MAP3K20: variants seen among roughly 807,000 people sequenced by gnomAD.
MAP3K20 encodes the protein mitogen-activated protein kinase kinase kinase 20.
Under a neutral mutation model 85.7 loss-of-function variants are expected in MAP3K20, and 40 were observed. The ratio of observed to expected loss-of-function variants is 0.47; its 90% CI spans 0.36 to 0.61. MAP3K20 has a LOEUF of 0.61. MAP3K20 is among the 20% of genes least tolerant of loss of function. MAP3K20 has a pLI of 0.00. For synonymous variants in MAP3K20, 325 were observed against 327.7 expected (o/e 0.99, Z 0.09); for missense variants, 817 against 961.7 (o/e 0.85, Z 1.99).
rs386391866 is a variant in MAP3K20 at position 173,128,921 on chromosome 2, C to CTTTTTTT, written c.159+37744_159+37750dup. ...TTCAGATCAATTTTAGAAATCTTTT[C>CTTTTTTT]TTTTTTTTTTTTTTTTTTTGAGGCA... On this transcript the variant is annotated intron_variant, in intron 2 of 19. Coordinates refer to ENST00000375213, the MANE Select transcript of MAP3K20 (RefSeq NM_016653.3). Among the ~76,000 whole-genome samples, 205 of 115,946 alleles carry CTTTTTTT rather than the reference C, an allele frequency of 1.8e-3. 1 individual carries two copies. Among genetic ancestry groups the CTTTTTTT allele is most frequent in the Non-Finnish European group, 2.7e-3 (162 of 59,222 alleles). 76.1% of individuals were successfully genotyped at this position (115,946 alleles called of 152,430 possible). A position where few individuals can be genotyped will look rare whatever the true frequency, so the allele number is the denominator to read the frequency against.
Position 173,238,367 on chromosome 2 carries a change from T to C in MAP3K20, c.1204-6T>C, listed in dbSNP as rs138143465. 133 of 1,610,116 alleles carry C rather than the reference T, an allele frequency of 8.3e-5. No homozygotes were observed. In the African/African-American group the frequency reaches 1.6e-3, roughly 19 times the overall value. ...CATTAATAAAGTCATATGATTTTTT[T>C]TACAGTCAGCCATTGAGAAATTAAC... On this transcript the variant is annotated splice_polypyrimidine_tract_variant and splice_region_variant and intron_variant, in intron 14 of 19. Coordinates refer to ENST00000375213, the MANE Select transcript of MAP3K20 (RefSeq NM_016653.3).
intron 1 of MAP3K20, among the ~76,000 whole-genome samples, chr2:173,087,533 C>G (rs1687176363): frequency 6.6e-6 from 1 of 152,098 alleles, no homozygotes; most frequent in Non-Finnish European, 1.5e-5. Flanking sequence ...CACTGAGTGT[C>G]CTACCAATGA....
intron 3 of MAP3K20, among the ~76,000 whole-genome samples, chr2:173,174,250 C>T (rs1258097068): frequency 2.0e-5 from 3 of 152,046 alleles, no homozygotes; most frequent in Admixed American, 6.5e-5. Context: ...ATGTGCAGAA[C>T]GTGCAGGTTT....
In MAP3K20 at chr2:173,266,779, AGG is replaced by A; in HGVS notation, c.*30_*31del. On this transcript the variant is annotated 3_prime_UTR_variant, in exon 20 of 20. Transcript: ENST00000375213. ...ATTGAACTACATAGCTTTTCTAAGC[AGG>A]TTAAAAAAAAAAAAAAAAAGAAATG... The A allele has an allele frequency of 9.9e-7, 1 of 1,008,840 alleles. No homozygotes were observed. Among genetic ancestry groups the A allele is most frequent in the Non-Finnish European group, 1.3e-6 (1 of 746,182 alleles). 62.5% of individuals were successfully genotyped at this position (1,008,840 alleles called of 1,614,324 possible).
chr2:173,266,205 G>T lies in MAP3K20; in HGVS notation c.1858G>T (p.Val620Leu). 1.2e-6 allele frequency: 2 copies of T among 1,613,976 alleles called. No individual in the cohort carries two copies. Among genetic ancestry groups the T allele is most frequent in the Non-Finnish European group, 1.7e-6 (2 of 1,179,994 alleles). ...CGCTGCTGCTGTGAGACGGCCCCAG[G>T]TGCCCATTAAGTATCAACAGATTAC... The part of the protein sequence containing the change: ...SYAAAVRRPQ[V>L]PIKYQQITPV... Residue 620 changes from valine (V) to leucine (L), a missense_variant, in exon 20 of 20, where the codon GTG (valine) becomes TTG (leucine). Physicochemically the swap from Val to Leu is conservative, Grantham distance 32. Coordinates refer to ENST00000375213, the MANE Select transcript of MAP3K20 (RefSeq NM_016653.3).
intron 16 of MAP3K20, among the ~76,000 whole-genome samples, chr2:173,255,634 G>A (rs78895696): frequency 0.023 from 3,447 of 152,180 alleles, 87 homozygotes; most frequent in Admixed American, 0.073. Context: ...CTGACGGTGT[G>A]CAGAGGAGGG....
chr2:173,120,854 C>T (rs902213008), intron 2 of MAP3K20, among the ~76,000 whole-genome samples: 66 of 151,842 alleles, frequency 4.3e-4, no homozygotes, highest in African/African-American at 1.5e-3. Flanking sequence ...ACTACAGGTG[C>T]GTGCCACCAT....
chr2:173,221,225 G>A (rs1330389409), intron 11 of MAP3K20: 1 of 1,613,174 alleles, frequency 6.2e-7, no homozygotes, highest in African/African-American at 1.3e-5. Context: ...AAACAGTGCA[G>A]AGATGTCATG....
Position 173,144,462 on chromosome 2 carries a change from CAAAAAA to C in MAP3K20, c.160-25325_160-25320del, listed in dbSNP as rs71018537. On this transcript the variant is annotated intron_variant, in intron 2 of 19. Coordinates refer to ENST00000375213, the MANE Select transcript of MAP3K20 (RefSeq NM_016653.3). ...TGGGCAACAGAGGGAGACTCCGTCT[CAAAAAA>C]AAAAAAAAAAAAAAAAAGAAAAGAA... Among the ~76,000 whole-genome samples the C allele has an allele frequency of 6.5e-5, 6 of 92,896 alleles. No individual in the cohort carries two copies. The Admixed American group carries it at 6.8e-4, about 10-fold the overall frequency. The allele number at this position is 92,896 out of a possible 152,430, so 60.9% of individuals were successfully genotyped here.
chr2:173,203,947 G>A lies in MAP3K20; in HGVS notation c.744+77G>A, dbSNP rs1413918867. ...TGGCTTTCAGTTTTTAAAACTTAGG[G>A]TAATAAAATTCATTACAAAGCAAAG... On this transcript the variant is annotated intron_variant, in intron 9 of 19. Transcript: ENST00000375213. 3.7e-6 allele frequency: 5 copies of A among 1,363,498 alleles called. No individual in the cohort carries two copies. The African/African-American group carries it at 4.3e-5, about 12-fold the overall frequency. 84.5% of individuals were successfully genotyped at this position (1,363,498 alleles called of 1,614,324 possible).
intron 11 of MAP3K20, among the ~76,000 whole-genome samples, chr2:173,217,976 T>C (rs1008347528): frequency 6.6e-6 from 1 of 152,254 alleles, no homozygotes; most frequent in Admixed American, 6.5e-5. Context: ...CTATTTTAAA[T>C]GGCATAACAT....
intron 9 of MAP3K20, among the ~76,000 whole-genome samples, chr2:173,206,437 A>T (rs930470379): frequency 1.3e-5 from 2 of 152,160 alleles, no homozygotes; most frequent in Non-Finnish European, 2.9e-5. Context: ...TTAAACAGTG[A>T]CATGTCCCCT....
chr2:173,124,795 C>T (rs1018979495), intron 2 of MAP3K20, among the ~76,000 whole-genome samples: 4 of 152,176 alleles, frequency 2.6e-5, no homozygotes, highest in African/African-American at 7.2e-5. Flanking sequence ...TCCTCTGCTA[C>T]GACCCTTCCA....
chr2:173,169,915 C>G, intron 3 of MAP3K20, 23 bp downstream of exon 3: 1 of 1,601,666 alleles, frequency 6.2e-7, no homozygotes, highest in Non-Finnish European at 8.5e-7. Flanking sequence ...TGTTTGACTT[C>G]TTTCTTTTTC....
Position 173,206,517 on chromosome 2 carries a change from A to T in MAP3K20, c.744+2647A>T, listed in dbSNP as rs114374367. Among the ~76,000 whole-genome samples, 506 of 152,294 alleles carry T rather than the reference A, an allele frequency of 3.3e-3. 1 individual carries two copies. Among genetic ancestry groups the T allele is most frequent in the African/African-American group, 0.012 (480 of 41,550 alleles). ...CTCTCTCACTGCTGATCTCCTCTAG[A>T]CACACCTTACATACTTTCATTCCCA... On this transcript the variant is annotated intron_variant, in intron 9 of 19. Transcript: ENST00000375213.
chr2:173,217,235 G>C lies in MAP3K20; in HGVS notation c.972G>C (p.Glu324Asp). Residue 324 changes from glutamate to aspartate, a missense_variant, in exon 11 of 20, where the codon GAG (glutamate) becomes GAC (aspartate). This residue lies in a region of MAP3K20 where 158 missense variants were observed against 162.0 expected (regional missense o/e 0.98). Coordinates refer to ENST00000375213, the MANE Select transcript of MAP3K20 (RefSeq NM_016653.3). ...AGATGTGGGAGCAAAAGCTGACAGAGCAGTCCAACACCCCGGTGAGTACCC... is the reference window on the plus strand; with the variant it reads ...AGATGTGGGAGCAAAAGCTGACAGACCAGTCCAACACCCCGGTGAGTACCC... ...RLKMWEQKLT[E>D]QSNTPLLPSF... The C allele has an allele frequency of 6.3e-7, 1 of 1,593,766 alleles. No homozygotes were observed. Among genetic ancestry groups the C allele is most frequent in the Non-Finnish European group, 8.5e-7 (1 of 1,169,710 alleles).
intron 7 of MAP3K20, chr2:173,197,678 G>C (rs944097315): frequency 6.5e-6 from 1 of 154,070 alleles, no homozygotes; most frequent in African/African-American, 2.4e-5. Flanking sequence ...ATTGAAGGTA[G>C]AACGAGTTTT....
chr2:173,235,726 T>C (rs935066163), intron 14 of MAP3K20, among the ~76,000 whole-genome samples: 2 of 152,146 alleles, frequency 1.3e-5, no homozygotes, highest in Admixed American at 1.3e-4. Flanking sequence ...GTTAATTTTG[T>C]GGTATGTGAA....
chr2:173,237,553 C>T (rs1684683167), intron 14 of MAP3K20, among the ~76,000 whole-genome samples: 1 of 152,186 alleles, frequency 6.6e-6, no homozygotes. Context: ...TCTCTGCAAT[C>T]AGTTCTTAGA....
Sources: gnomAD v4.1 joint callset for allele counts (sites outside exome capture counted in the v4.1 genomes callset) on GRCh38, gnomAD v4.1.1 for gene constraint, gnomAD v4.1.1 regional missense constraint, MANE v1.5 for transcripts, NCBI Gene and HGNC (gene_info 2026-07-23, HGNC 2026-07-21) for gene names.